Variants in ARHGEF28 observed in about 807,000 individuals in gnomAD.
ARHGEF28 encodes 190 kDa guanine nucleotide exchange factor.
A neutral mutation model predicts 206.6 loss-of-function variants in ARHGEF28; 152 were observed. The ratio of observed to expected loss-of-function variants is 0.74; its 90% CI spans 0.64 to 0.84. The LOEUF is 0.84. Among genes scored for constraint, ARHGEF28 ranks in the 40% least tolerant of loss-of-function variants. The pLI, the probability that ARHGEF28 is intolerant of heterozygous loss-of-function variation, is 0.00. For synonymous variants in ARHGEF28, 763 were observed against 776.4 expected (o/e 0.98, Z 0.29); for missense variants, 2,028 against 2,073.2 (o/e 0.98, Z 0.42).
At chr5:73,784,407 G>C (rs1754030856) in intron 7 of ARHGEF28, among the ~76,000 whole-genome samples, 1 of 152,048 alleles carries the variant, frequency 6.6e-6, no homozygotes, top group African/African-American at 2.4e-5. Flanking sequence ...CAGAATAATG[G>C]CACATTATTT....
intron 2 of ARHGEF28, among the ~76,000 whole-genome samples, chr5:73,700,019 A>T (rs1748498940): frequency 6.6e-6 from 1 of 152,178 alleles, no homozygotes; most frequent in Admixed American, 6.5e-5. Context: ...CTTTTAGGAG[A>T]GAATGTTTCC....
intron 1 of ARHGEF28, among the ~76,000 whole-genome samples, chr5:73,649,763 A>G (rs1232558306): frequency 6.6e-6 from 1 of 152,238 alleles, no homozygotes; most frequent in East Asian, 1.9e-4. Flanking sequence ...TAGCAGGGTA[A>G]TGGAGAAACT....
Position 73,822,551 on chromosome 5 carries a change from T to TA in ARHGEF28, c.1025-9786dup, listed in dbSNP as rs761403658. On this transcript the variant is annotated intron_variant, in intron 9 of 35. Transcript: ENST00000513042. ...CTCAGAAGAGTATGGCCAAGACTAA[T>TA]ATCAGGAAAAATCCTAAGAGAACCT... 3.3e-5 allele frequency among the ~76,000 whole-genome samples: 5 copies of TA among 152,248 alleles called. No individual in the cohort carries two copies. The East Asian group carries it at 7.7e-4, about 24-fold the overall frequency.
chr5:73,722,789 TC>T (rs1750039590), intron 2 of ARHGEF28, among the ~76,000 whole-genome samples: 2 of 146,282 alleles, frequency 1.4e-5, no homozygotes, highest in African/African-American at 5.6e-5. Flanking sequence ...TGCATACATA[TC>T]TCTCTCTATC....
chr5:73,701,816 A>G (rs1407822401), intron 2 of ARHGEF28, among the ~76,000 whole-genome samples: 5 of 152,186 alleles, frequency 3.3e-5, no homozygotes, highest in African/African-American at 1.2e-4. Flanking sequence ...TTGATGAGTC[A>G]TATTCCATGA....
At chr5:73,821,205 A>G (rs926342984) in intron 9 of ARHGEF28, among the ~76,000 whole-genome samples, 1 of 152,186 alleles carries the variant, frequency 6.6e-6, no homozygotes, top group Non-Finnish European at 1.5e-5. Flanking sequence ...CAGAAGAAAC[A>G]GAACAATTTG....
chr5:73,658,979 A>ACG, intron 1 of ARHGEF28, among the ~76,000 whole-genome samples: 1 of 137,710 alleles, frequency 7.3e-6, no homozygotes, highest in Non-Finnish European at 1.6e-5. Flanking sequence ...ACACACACAC[A>ACG]CACACACACA....
chr5:73,695,318 C>T (rs1310737183), intron 2 of ARHGEF28, among the ~76,000 whole-genome samples: 4 of 152,078 alleles, frequency 2.6e-5, no homozygotes, highest in African/African-American at 4.8e-5. Flanking sequence ...GCTTTCCTCT[C>T]CTCTGTTGTG....
intron 2 of ARHGEF28, among the ~76,000 whole-genome samples, chr5:73,722,717 T>G (rs1750035283): frequency 6.6e-6 from 1 of 152,234 alleles, no homozygotes; most frequent in Non-Finnish European, 1.5e-5. Context: ...GATAGATATC[T>G]ATTTTATGAT....
chr5:73,799,242 T>C (rs935271094), intron 9 of ARHGEF28, among the ~76,000 whole-genome samples: 6 of 152,086 alleles, frequency 3.9e-5, no homozygotes, highest in Admixed American at 3.9e-4. Context: ...GGACAGCCTG[T>C]GGGAAATGGA....
chr5:73,834,650 G>T (rs1757506318), intron 10 of ARHGEF28, among the ~76,000 whole-genome samples: 1 of 151,756 alleles, frequency 6.6e-6, no homozygotes, highest in Non-Finnish European at 1.5e-5. Context: ...ATGCAAAGGT[G>T]ATCCCATAAG....
chr5:73,878,171 T>G (rs935610718), intron 22 of ARHGEF28, among the ~76,000 whole-genome samples: 4 of 151,548 alleles, frequency 2.6e-5, no homozygotes, highest in Non-Finnish European at 5.9e-5. Flanking sequence ...CCCTTTACCA[T>G]TATGTAATGG....
chr5:73,760,724 A>G (rs912880782), intron 4 of ARHGEF28, among the ~76,000 whole-genome samples: 2 of 152,182 alleles, frequency 1.3e-5, no homozygotes, highest in African/African-American at 4.8e-5. Flanking sequence ...TTTGAGGAAT[A>G]TGTTTTCTGG....
At chr5:73,925,248 C>T (rs1221233526) in intron 35 of ARHGEF28, among the ~76,000 whole-genome samples, 2 of 152,182 alleles carry the variant, frequency 1.3e-5, no homozygotes, top group Non-Finnish European at 2.9e-5. Context: ...CTCTCAGCCT[C>T]GGCTCATGCT....
chr5:73,813,910 T>TAAAAAAAAAA (rs76466396), intron 9 of ARHGEF28, among the ~76,000 whole-genome samples: 1 of 138,744 alleles, frequency 7.2e-6, no homozygotes. Flanking sequence ...CAATTCTCTT[T>TAAAAAAAAAA]AAAAAAAAAA....
chr5:73,902,643 G>A (rs970556357), intron 31 of ARHGEF28: 3 of 152,192 alleles, frequency 2.0e-5, no homozygotes, highest in Admixed American at 6.5e-5. Context: ...TACAAGGTAA[G>A]GTTAGAACAA....
intron 17 of ARHGEF28, among the ~76,000 whole-genome samples, chr5:73,865,153 A>G (rs764707885): frequency 1.2e-4 from 19 of 152,200 alleles, no homozygotes; most frequent in Non-Finnish European, 2.4e-4. Context: ...GGTACCTGCA[A>G]ATGAAGATCA....
intron 18 of ARHGEF28, among the ~76,000 whole-genome samples, chr5:73,866,616 A>C (rs572690523): frequency 2.0e-4 from 30 of 152,074 alleles, no homozygotes; most frequent in South Asian, 6.2e-4. Flanking sequence ...GGCATACTGG[A>C]GTTTGGTTTG....
intron 1 of ARHGEF28, among the ~76,000 whole-genome samples, chr5:73,684,424 G>A (rs1235030971): frequency 2.0e-5 from 3 of 152,174 alleles, no homozygotes; most frequent in Non-Finnish European, 4.4e-5. Context: ...TTTCAAGGCT[G>A]AATAATATTC....
Sources: gnomAD v4.1 joint callset for allele counts (sites outside exome capture counted in the v4.1 genomes callset) on GRCh38, gnomAD v4.1.1 for gene constraint, MANE v1.5 for transcripts, NCBI Gene and HGNC (gene_info 2026-07-23, HGNC 2026-07-21) for gene names.